Variants in RAB3IP observed in about 807,000 individuals in gnomAD.
RAB3IP encodes rab-3A-interacting protein.
In RAB3IP, 36 loss-of-function variants were observed where a neutral mutation model predicts 59.1. The ratio of observed to expected loss-of-function variants is 0.61; its 90% confidence interval spans 0.47 to 0.80. RAB3IP has a LOEUF of 0.80. Among genes scored for constraint, RAB3IP ranks in the 30% least tolerant of loss-of-function variants. The pLI, the probability that RAB3IP is intolerant of heterozygous loss-of-function variation, is 0.00. For missense variants in RAB3IP, 511 were observed against 536.0 expected (o/e 0.95, Z 0.46); for synonymous variants, 207 against 191.2 (o/e 1.08, Z -0.68).
At chr12:69,811,341 A>G (rs1298591068) in intron 8 of RAB3IP, among the ~76,000 whole-genome samples, 7 of 152,098 alleles carry the variant, frequency 4.6e-5, no homozygotes, top group African/African-American at 1.4e-4. Flanking sequence ...CGCATGACAC[A>G]TGTTTACCTA....
At chr12:69,796,652 GAAGTTC>G (rs1381561158) in intron 6 of RAB3IP, 4 of 622,266 alleles carry the variant, frequency 6.4e-6, no homozygotes, top group Admixed American at 2.5e-5. Flanking sequence ...TGGTAAGAGA[GAAGTTC>G]AATACTTGGT....
intron 3 of RAB3IP, among the ~76,000 whole-genome samples, chr12:69,779,684 A>T (rs1328398233): frequency 2.8e-5 from 4 of 143,800 alleles, no homozygotes; most frequent in East Asian, 4.0e-4. Context: ...TAGCTAGGGA[A>T]TTTTTTTTTT....
chr12:69,768,280 G>C (rs539561690), intron 3 of RAB3IP, among the ~76,000 whole-genome samples: 2 of 152,156 alleles, frequency 1.3e-5, no homozygotes, highest in African/African-American at 2.4e-5. Flanking sequence ...GAAAGGGTAG[G>C]GTGGTTCAGG....
intron 3 of RAB3IP, among the ~76,000 whole-genome samples, chr12:69,780,162 G>A (rs541893938): frequency 1.9e-3 from 283 of 152,282 alleles, no homozygotes; most frequent in South Asian, 5.2e-3. Context: ...GTTGGCCAAC[G>A]ACCCGAACCT....
chr12:69,743,437 A>G (rs1439058514), intron 1 of RAB3IP, among the ~76,000 whole-genome samples: 3 of 151,902 alleles, frequency 2.0e-5, no homozygotes, highest in Non-Finnish European at 4.4e-5. Flanking sequence ...TGTAAGACAA[A>G]CCCCTCAGTA....
At chr12:69,809,266 T>G (rs920322913) in intron 8 of RAB3IP, among the ~76,000 whole-genome samples, 5 of 152,164 alleles carry the variant, frequency 3.3e-5, no homozygotes, top group African/African-American at 1.2e-4. Context: ...TGCCGAGAGA[T>G]CAGCTGTTAG....
At chr12:69,745,962 A>G (rs1489926650) in intron 1 of RAB3IP, among the ~76,000 whole-genome samples, 1 of 152,052 alleles carries the variant, frequency 6.6e-6, no homozygotes, top group Non-Finnish European at 1.5e-5. Flanking sequence ...TTTTTTTTAT[A>G]TATCTGTAAA....
chr12:69,751,993 TTTC>T lies in RAB3IP; in HGVS notation c.-25-3388_-25-3386del, dbSNP rs1869391200. Among the ~76,000 whole-genome samples the T allele has an allele frequency of 2.6e-5, 4 of 151,506 alleles. No homozygotes were observed. In the South Asian group the frequency reaches 8.3e-4, roughly 31 times the overall value. ...TAGGTAACCATTTTGCCTGCTTTTTTTTCTTTTGTTCTTTTTTTTTTTTTTTTC... is the reference window on the plus strand; with the variant it reads ...TAGGTAACCATTTTGCCTGCTTTTTTTTTTGTTCTTTTTTTTTTTTTTTTC... On this transcript the variant is annotated intron_variant, in intron 1 of 10. Transcript: ENST00000247833.
At chr12:69,790,390 T>C (rs555965293) in intron 4 of RAB3IP, among the ~76,000 whole-genome samples, 2 of 152,074 alleles carry the variant, frequency 1.3e-5, no homozygotes, top group African/African-American at 4.8e-5. Context: ...AAAATTATAA[T>C]ACAGTTAATG....
intron 3 of RAB3IP, among the ~76,000 whole-genome samples, chr12:69,780,186 A>G (rs1874441749): frequency 6.6e-6 from 1 of 152,194 alleles, no homozygotes; most frequent in African/African-American, 2.4e-5. Context: ...AGCCTGTCCC[A>G]TTTGCTTAGA....
At position 69,822,289 on chromosome 12, in the gene RAB3IP, CAGCCT is replaced by C. The variant is rs1881832157; in HGVS notation, c.*6845_*6849del. On this transcript the variant is annotated 3_prime_UTR_variant, in exon 11 of 11. Transcript: ENST00000247833. ...ACATCGCGTGCTTCAGGCTTTACTA[CAGCCT>C]ACCTGGATTTTGCAGTAGCTTCTTA... 1 of 152,188 alleles carries C rather than the reference CAGCCT, an allele frequency of 6.6e-6. No individual in the cohort carries two copies. Among genetic ancestry groups the C allele is most frequent in the Non-Finnish European group, 1.5e-5 (1 of 68,040 alleles). 9.4% of individuals were successfully genotyped at this position (152,188 alleles called of 1,614,324 possible).
chr12:69,795,626 G>C (rs1253110892), intron 6 of RAB3IP: 6 of 485,078 alleles, frequency 1.2e-5, no homozygotes, highest in African/African-American at 3.9e-5. Flanking sequence ...AGAGTGGGTG[G>C]CTTTAATGAT....
At chr12:69,801,569 C>A in intron 7 of RAB3IP, 40 bp from the exon 8 acceptor site, 1 of 935,314 alleles carries the variant, frequency 1.1e-6, no homozygotes, top group South Asian at 1.9e-5. Context: ...TGATATTTTT[C>A]TGCCAGTATA....
At chr12:69,798,019 A>G (rs1053992415) in intron 6 of RAB3IP, among the ~76,000 whole-genome samples, 28 of 152,228 alleles carry the variant, frequency 1.8e-4, no homozygotes, top group Admixed American at 5.2e-4. Flanking sequence ...CATGATTTAT[A>G]GTCCTTTGGG....
At position 69,772,151 on chromosome 12, in the gene RAB3IP, C is replaced by T. The variant is rs989316107; in HGVS notation, c.511-12569C>T. The stretch of plus-strand genomic sequence containing the variant: ...TTATTATATCCTCTTTATTGGCCCC[C>T]TTATCATTACATAATACTCTTGTTT... On this transcript the variant is annotated intron_variant, in intron 3 of 10. Transcript: ENST00000247833. Among the ~76,000 whole-genome samples the T allele has an allele frequency of 2.6e-5, 4 of 152,076 alleles. No individual in the cohort carries two copies. In the East Asian group the frequency reaches 5.8e-4, roughly 22 times the overall value.
At chr12:69,740,164 G>GT (rs902310425) in intron 1 of RAB3IP, among the ~76,000 whole-genome samples, 161 of 151,546 alleles carry the variant, frequency 1.1e-3, no homozygotes, top group African/African-American at 3.8e-3. Flanking sequence ...GTTCATGAAG[G>GT]TTTTTTTTTC....
At chr12:69,751,375 A>T (rs1869254497) in intron 1 of RAB3IP, among the ~76,000 whole-genome samples, 1 of 152,094 alleles carries the variant, frequency 6.6e-6, no homozygotes, top group South Asian at 2.1e-4. Context: ...CATTTTTCCC[A>T]AGGAGCCTGT....
chr12:69,740,919 G>A (rs1887270425), intron 1 of RAB3IP, among the ~76,000 whole-genome samples: 1 of 152,170 alleles, frequency 6.6e-6, no homozygotes, highest in South Asian at 2.1e-4. Context: ...AAATTAGTGA[G>A]CTGGCTGAAT....
chr12:69,804,532 G>C (rs1311149252), intron 8 of RAB3IP, among the ~76,000 whole-genome samples: 1 of 152,172 alleles, frequency 6.6e-6, no homozygotes, highest in Non-Finnish European at 1.5e-5. Context: ...GGCTTTTGTT[G>C]CCATTGCTTT....
Sources: gnomAD v4.1 joint callset for allele counts (sites outside exome capture counted in the v4.1 genomes callset) on GRCh38, gnomAD v4.1.1 for gene constraint, MANE v1.5 for transcripts, NCBI Gene and HGNC (gene_info 2026-07-23, HGNC 2026-07-21) for gene names.